The following TMEM132C variants were observed in gnomAD, a reference collection of about 807,000 sequenced individuals.
TMEM132C encodes protein phosphatase 1, regulatory subunit 152.
A neutral mutation model predicts 61.4 loss-of-function variants in TMEM132C; 29 were observed. The observed-to-expected ratio is 0.47, with a 90% CI of 0.35 to 0.64. TMEM132C has a LOEUF of 0.64. TMEM132C is among the 30% of genes least tolerant of loss of function. The pLI is 0.00. For synonymous variants in TMEM132C, 656 were observed against 633.1 expected, an observed-to-expected ratio of 1.04 and a Z score of -0.54; for missense variants, 1,408 against 1,476.9, an observed-to-expected ratio of 0.95 and a Z score of 0.76.
At chr12:128,314,243 T>A (rs1872074557) in intron 1 of TMEM132C, among the ~76,000 whole-genome samples, 1 of 152,234 alleles carries the variant, frequency 6.6e-6, no homozygotes, top group Non-Finnish European at 1.5e-5. Flanking sequence ...GTGTTGTCCA[T>A]TTCTGTCTTT....
intron 1 of TMEM132C, among the ~76,000 whole-genome samples, chr12:128,290,399 C>T (rs374407040): frequency 2.1e-4 from 26 of 125,580 alleles, no homozygotes; most frequent in African/African-American, 6.8e-4. Context: ...CATGAGAACT[C>T]ACTATCATGA....
chr12:128,551,244 T>A (rs1874166426), intron 3 of TMEM132C, among the ~76,000 whole-genome samples: 1 of 149,908 alleles, frequency 6.7e-6, no homozygotes, highest in South Asian at 2.1e-4. Context: ...TGGTGAAATG[T>A]CCTCTTAGAC....
At chr12:128,439,724 T>A (rs1869718591) in intron 2 of TMEM132C, among the ~76,000 whole-genome samples, 2 of 152,152 alleles carry the variant, frequency 1.3e-5, no homozygotes. Context: ...TTTTTATCTT[T>A]ACTCTCTGTA....
At position 128,460,519 on chromosome 12, in the gene TMEM132C, G is replaced by A. The variant is rs138529910; in HGVS notation, c.974+44899G>A. Among the ~76,000 whole-genome samples the A allele has an allele frequency of 2.5e-3, 386 of 152,152 alleles. 3 individuals carry two copies. The highest frequency in any genetic ancestry group is 0.01 in the Middle Eastern group (3 of 294). On this transcript the variant is annotated intron_variant, in intron 2 of 8. Transcript: ENST00000435159. ...AATGACTTTACCTGGCTTTAGTATC[G>A]TTCTCACCCCGAGAGCTACAGTATG...
At chr12:128,474,143 G>A (rs1241838826) in intron 2 of TMEM132C, among the ~76,000 whole-genome samples, 1 of 152,146 alleles carries the variant, frequency 6.6e-6, no homozygotes, top group Non-Finnish European at 1.5e-5. Flanking sequence ...ATCTGCCCAG[G>A]GCTGAAACAC....
intron 1 of TMEM132C, among the ~76,000 whole-genome samples, chr12:128,368,212 C>T (rs1873926894): frequency 6.6e-6 from 1 of 152,220 alleles, no homozygotes; most frequent in Non-Finnish European, 1.5e-5. Context: ...CCACAGTCTG[C>T]ATAGCAGCTT....
chr12:128,571,401 C>T (rs1485903110), intron 3 of TMEM132C, among the ~76,000 whole-genome samples: 1 of 152,140 alleles, frequency 6.6e-6, no homozygotes, highest in Non-Finnish European at 1.5e-5. Flanking sequence ...GTAAAATATA[C>T]ATAACATAAA....
At chr12:128,373,879 C>T (rs981696550) in intron 1 of TMEM132C, among the ~76,000 whole-genome samples, 5 of 152,166 alleles carry the variant, frequency 3.3e-5, no homozygotes, top group Non-Finnish European at 7.4e-5. Flanking sequence ...GATGGCCTTG[C>T]GTGCTGCACT....
At chr12:128,451,230 G>A (rs899534173) in intron 2 of TMEM132C, among the ~76,000 whole-genome samples, 5 of 152,070 alleles carry the variant, frequency 3.3e-5, no homozygotes, top group Admixed American at 6.6e-5. Flanking sequence ...TTTCTAGACT[G>A]CCCTTTTCTA....
At chr12:128,572,057 T>A (rs1260275769) in intron 3 of TMEM132C, among the ~76,000 whole-genome samples, 1 of 151,806 alleles carries the variant, frequency 6.6e-6, no homozygotes. Context: ...CTGTGGCCTC[T>A]GCTAGTCTCT....
intron 2 of TMEM132C, among the ~76,000 whole-genome samples, chr12:128,423,845 A>G (rs886115282): frequency 2.0e-5 from 3 of 152,066 alleles, no homozygotes; most frequent in Middle Eastern, 3.4e-3. Context: ...CATCCTGGCT[A>G]ACATGGTGAA....
At chr12:128,351,820 A>C (rs954836987) in intron 1 of TMEM132C, among the ~76,000 whole-genome samples, 3 of 152,200 alleles carry the variant, frequency 2.0e-5, no homozygotes, top group African/African-American at 7.2e-5. Flanking sequence ...CTGGGGATGA[A>C]ATTTCGACAT....
intron 4 of TMEM132C, among the ~76,000 whole-genome samples, chr12:128,660,142 G>T (rs923435): frequency 0.71 from 107,438 of 152,046 alleles, 38,075 homozygotes; most frequent in East Asian, 0.85. Flanking sequence ...ACCAAAGGTC[G>T]GCTCCACCTC....
intron 2 of TMEM132C, among the ~76,000 whole-genome samples, chr12:128,425,781 T>C (rs986219757): frequency 1.3e-5 from 2 of 151,200 alleles, no homozygotes; most frequent in South Asian, 4.1e-4. Context: ...ATTTTCCCTC[T>C]GTGTTTCTCC....
intron 2 of TMEM132C, among the ~76,000 whole-genome samples, chr12:128,428,846 G>GT (rs2136036089): frequency 6.6e-6 from 1 of 152,294 alleles, no homozygotes; most frequent in African/African-American, 2.4e-5. Flanking sequence ...GATGATAACA[G>GT]TAACACCAGC....
intron 4 of TMEM132C, among the ~76,000 whole-genome samples, chr12:128,629,596 C>T (rs957995138): frequency 6.6e-6 from 1 of 152,116 alleles, no homozygotes; most frequent in Non-Finnish European, 1.5e-5. Context: ...AGTTATGAAT[C>T]GAGGGCCATG....
chr12:128,449,372 G>A (rs987921565), intron 2 of TMEM132C, among the ~76,000 whole-genome samples: 10 of 152,008 alleles, frequency 6.6e-5, no homozygotes, highest in African/African-American at 1.7e-4. Flanking sequence ...CCCCGGAGGC[G>A]TTTTTGTTTA....
chr12:128,455,506 T>G (rs1412282882), intron 2 of TMEM132C, among the ~76,000 whole-genome samples: 1 of 152,222 alleles, frequency 6.6e-6, no homozygotes, highest in Non-Finnish European at 1.5e-5. Flanking sequence ...TTATTCATCG[T>G]GAGAGAAACA....
chr12:128,642,188 G>A (rs1215230225), intron 4 of TMEM132C, among the ~76,000 whole-genome samples: 1 of 151,950 alleles, frequency 6.6e-6, no homozygotes, highest in Non-Finnish European at 1.5e-5. Flanking sequence ...CTGGAGTGCA[G>A]TGGTGCGATC....
Sources: gnomAD v4.1 joint callset for allele counts (sites outside exome capture counted in the v4.1 genomes callset) on GRCh38, gnomAD v4.1.1 for gene constraint, MANE v1.5 for transcripts, NCBI Gene and HGNC (gene_info 2026-07-23, HGNC 2026-07-21) for gene names.